MYO10: variants seen among roughly 807,000 people sequenced by gnomAD.
MYO10 encodes the protein myosin X.
MYO10 carries 133 observed loss-of-function variants against 257.3 expected under a neutral mutation model. The observed-to-expected ratio is 0.52, with a 90% confidence interval of 0.45 to 0.60. MYO10 has a LOEUF of 0.60. MYO10 is among the 20% of genes least tolerant of loss of function. The probability of loss-of-function intolerance (pLI) is 0.00; values close to 1 mark genes in which losing one functional copy is unlikely to be tolerated. For synonymous variants in MYO10, 1,104 were observed against 1,028.6 expected (o/e 1.07, Z -1.40); for missense variants, 2,399 against 2,635.7 (o/e 0.91, Z 1.97).
At chr5:16,705,280 C>A (rs1050552466) in intron 21 of MYO10, among the ~76,000 whole-genome samples, 4 of 152,166 alleles carry the variant, frequency 2.6e-5, no homozygotes, top group Non-Finnish European at 5.9e-5. Context: ...AAAATGAGAA[C>A]TGAATTATTT....
chr5:16,839,690 G>A (rs969850587), intron 2 of MYO10, among the ~76,000 whole-genome samples: 8 of 152,096 alleles, frequency 5.3e-5, no homozygotes, highest in Admixed American at 4.6e-4. Context: ...GCAGTGAGCC[G>A]AGATCGCACT....
intron 33 of MYO10, among the ~76,000 whole-genome samples, chr5:16,677,476 C>T (rs552379032): frequency 2.9e-5 from 4 of 136,936 alleles, no homozygotes; most frequent in East Asian, 2.2e-4. Context: ...AGTGCAGTGG[C>T]GCTATCTTGG....
intron 9 of MYO10, among the ~76,000 whole-genome samples, chr5:16,773,033 G>A (rs1029606202): frequency 6.6e-6 from 1 of 152,130 alleles, no homozygotes; most frequent in Non-Finnish European, 1.5e-5. Flanking sequence ...TCACTGAAAT[G>A]TATACTTTAA....
chr5:16,804,423 G>A (rs958597580), intron 3 of MYO10, among the ~76,000 whole-genome samples: 6 of 152,192 alleles, frequency 3.9e-5, no homozygotes, highest in Non-Finnish European at 7.3e-5. Flanking sequence ...AGGGAGTGGG[G>A]GAAGGGCTTC....
At chr5:16,887,102 T>C (rs1487928405) in intron 1 of MYO10, among the ~76,000 whole-genome samples, 1 of 152,156 alleles carries the variant, frequency 6.6e-6, no homozygotes, top group East Asian at 1.9e-4. Flanking sequence ...CCCATGTTTT[T>C]GGTCCTTCCC....
intron 19 of MYO10, among the ~76,000 whole-genome samples, chr5:16,718,515 A>G (rs1305402899): frequency 6.7e-6 from 1 of 149,720 alleles, no homozygotes; most frequent in Non-Finnish European, 1.5e-5. Flanking sequence ...TGAGTGCACC[A>G]ATCGACACTC....
intron 4 of MYO10, among the ~76,000 whole-genome samples, chr5:16,788,411 G>C (rs186986432): frequency 2.6e-3 from 392 of 152,284 alleles, no homozygotes; most frequent in Non-Finnish European, 4.6e-3. Context: ...ATACTTTACC[G>C]TGTGTAAGTT....
At chr5:16,716,808 G>A (rs1031847424) in intron 19 of MYO10, among the ~76,000 whole-genome samples, 8 of 152,054 alleles carry the variant, frequency 5.3e-5, no homozygotes, top group Admixed American at 3.9e-4. Flanking sequence ...AAATTAGGAA[G>A]GCAAAATGAC....
At position 16,704,629 on chromosome 5, in the gene MYO10, C is replaced by A. The variant is rs1445072120; in HGVS notation, c.2226G>T (p.Val742=). Residue 742 remains valine, a synonymous_variant, in exon 22 of 41, where the codon GTG becomes GTT. Coordinates refer to ENST00000513610, the MANE Select transcript of MYO10 (RefSeq NM_012334.3). ...QKLEKRREEE[V]SHAAMVIRAH... The stretch of plus-strand genomic sequence containing the variant: ...CCCGAATCACCATGGCCGCGTGGCT[C>A]ACTTCCTCTTCCCTCCGCTTCTCCA... 2 of 1,613,856 alleles carry A rather than the reference C, an allele frequency of 1.2e-6. No individual in the cohort carries two copies. The highest frequency in any genetic ancestry group is 1.7e-6 in the Non-Finnish European group (2 of 1,179,902).
intron 2 of MYO10, among the ~76,000 whole-genome samples, chr5:16,830,456 T>C (rs996504548): frequency 5.3e-5 from 8 of 152,106 alleles, no homozygotes; most frequent in African/African-American, 1.9e-4. Flanking sequence ...ATTAGAACGC[T>C]TTCTTGTTGC....
chr5:16,867,705 A>G (rs1308933556), intron 2 of MYO10, among the ~76,000 whole-genome samples: 1 of 152,218 alleles, frequency 6.6e-6, no homozygotes, highest in Non-Finnish European at 1.5e-5. Context: ...GTGATTATAA[A>G]TAATTAGTGC....
rs1736525738 is a variant in MYO10, at chr5:16,672,707, A to C, written c.5291T>G (p.Val1764Gly). 7 of 1,614,034 alleles carry C rather than the reference A, an allele frequency of 4.3e-6. No homozygotes were observed. The highest frequency in any genetic ancestry group is 5.9e-6 in the Non-Finnish European group (7 of 1,179,898). ...AIESRTVVAD[V>G]LAKFEKLAAT... Reference sequence around the variant, plus strand: ...AACCTACTTTTCAAACTTGGCTAAGACATCAGCTACGACGGTTCGACTTTC... The same window carrying C: ...AACCTACTTTTCAAACTTGGCTAAGCCATCAGCTACGACGGTTCGACTTTC... Residue 1764 changes from valine to glycine, a missense_variant, in exon 37 of 41, where the codon GTC becomes GGC. Physicochemically the swap from Val to Gly is moderately radical, Grantham distance 109. Coordinates refer to ENST00000513610, the MANE Select transcript of MYO10 (RefSeq NM_012334.3).
chr5:16,752,690 T>C (rs1240137911), intron 19 of MYO10, among the ~76,000 whole-genome samples: 1 of 152,226 alleles, frequency 6.6e-6, no homozygotes, highest in Admixed American at 6.5e-5. Context: ...CATCGGATAC[T>C]GAGCAACTCC....
intron 19 of MYO10, among the ~76,000 whole-genome samples, chr5:16,737,896 A>G (rs192136636): frequency 5.3e-4 from 81 of 152,354 alleles, no homozygotes; most frequent in Non-Finnish European, 2.2e-4. Flanking sequence ...CCTGATACAT[A>G]GGAAAAGGGT....
chr5:16,682,289 C>T (rs951696501), intron 30 of MYO10, among the ~76,000 whole-genome samples: 8 of 152,088 alleles, frequency 5.3e-5, no homozygotes, highest in African/African-American at 1.9e-4. Flanking sequence ...AACTCAGTTC[C>T]GGGAAGGCTA....
chr5:16,921,858 A>C (rs1212416934), intron 1 of MYO10, among the ~76,000 whole-genome samples: 2 of 151,820 alleles, frequency 1.3e-5, no homozygotes, highest in Non-Finnish European at 2.9e-5. Context: ...TCAGAATCCT[A>C]CCATATGCAG....
chr5:16,795,931 T>C (rs1448824223), intron 3 of MYO10, among the ~76,000 whole-genome samples: 1 of 152,068 alleles, frequency 6.6e-6, no homozygotes, highest in Non-Finnish European at 1.5e-5. Context: ...GGCTCACGAC[T>C]GTAATCCCAG....
At chr5:16,887,136 A>T (rs1176633561) in intron 1 of MYO10, among the ~76,000 whole-genome samples, 1 of 152,070 alleles carries the variant, frequency 6.6e-6, no homozygotes, top group Non-Finnish European at 1.5e-5. Context: ...ACCGGATGGG[A>T]AGGATCGAAT....
chr5:16,686,505 G>T (rs1233425323), intron 28 of MYO10, among the ~76,000 whole-genome samples: 3 of 151,880 alleles, frequency 2.0e-5, no homozygotes. Context: ...ACATGTAATG[G>T]AGAGTATCAT....
Sources: gnomAD v4.1 joint callset for allele counts (sites outside exome capture counted in the v4.1 genomes callset) on GRCh38, gnomAD v4.1.1 for gene constraint, MANE v1.5 for transcripts, NCBI Gene and HGNC (gene_info 2026-07-23, HGNC 2026-07-21) for gene names.